The following CREBRF variants were observed in gnomAD, a reference collection of about 807,000 sequenced individuals.
CREBRF encodes UPF0474 protein C5orf41.
Under a neutral mutation model 66.1 loss-of-function variants are expected in CREBRF, and 5 were observed. The ratio of observed to expected loss-of-function variants is 0.08; its 90% CI spans 0.04 to 0.16. CREBRF has a LOEUF of 0.16. CREBRF is among the 10% of genes least tolerant of loss of function. The probability of loss-of-function intolerance (pLI) is 1.00; values close to 1 mark genes in which losing one functional copy is unlikely to be tolerated. For missense variants in CREBRF, 531 were observed against 744.9 expected, an observed-to-expected ratio of 0.71 and a Z score of 3.34; for synonymous variants, 229 against 264.4, an observed-to-expected ratio of 0.87 and a Z score of 1.30.
chr5:173,059,487 C>T (rs1266830631), intron 1 of CREBRF, among the ~76,000 whole-genome samples: 1 of 151,774 alleles, frequency 6.6e-6, no homozygotes, highest in African/African-American at 2.4e-5. Flanking sequence ...TGGTCTTGAA[C>T]TCCTGACCTA....
intron 6 of CREBRF, 25 bp from the exon 7 acceptor site, chr5:173,112,281 A>C (rs747963903): frequency 2.0e-6 from 3 of 1,511,070 alleles, no homozygotes; most frequent in Non-Finnish European, 2.7e-6. Flanking sequence ...AAAGAAAGTG[A>C]ACTAACTGCT....
At chr5:173,120,531 C>T (rs1449175153) in intron 7 of CREBRF, among the ~76,000 whole-genome samples, 1 of 151,394 alleles carries the variant, frequency 6.6e-6, no homozygotes, top group Non-Finnish European at 1.5e-5. Context: ...AGGCATACAC[C>T]ACCATGCCTG....
At position 173,090,200 on chromosome 5, in the gene CREBRF, G is replaced by A. The variant is rs530973126; in HGVS notation, c.136-115G>A. On this transcript the variant is annotated intron_variant, in intron 3 of 8. Transcript: ENST00000296953. The surrounding 1 kb of genome is among the most constrained non-coding windows in gnomAD (Gnocchi z 4.5). ...GAAATGATAAAGCGTCCTGTCAGTA[G>A]CCTTTATGTTAAAACAGACCAAAAG... is the stretch of plus-strand genomic sequence containing the variant. 28 of 702,748 alleles carry A rather than the reference G, an allele frequency of 4.0e-5. No homozygotes were observed. In the South Asian group the frequency reaches 7.4e-4, roughly 19 times the overall value. The allele number at this position is 702,748 out of a possible 1,614,324, so 43.5% of individuals were successfully genotyped here.
chr5:173,108,878 C>T lies in CREBRF; in HGVS notation c.1417+60C>T, dbSNP rs576376433. 8 of 1,494,070 alleles carry T rather than the reference C, an allele frequency of 5.4e-6. No homozygotes were observed. The Admixed American group carries it at 1.5e-4, about 27-fold the overall frequency. 92.6% of individuals were successfully genotyped at this position (1,494,070 alleles called of 1,614,324 possible). ...CTTTAATCAAGTTGAGCTACTAATC[C>T]ATAATGTTTACTCCGTGTACCTAGG... On this transcript the variant is annotated intron_variant, in intron 5 of 8. Transcript: ENST00000296953.
At position 173,090,812 on chromosome 5, in the gene CREBRF, A is replaced by ATTT; in HGVS notation, c.633_634insTTT (p.Thr211_Gln212insPhe). 1 of 1,614,170 alleles carries ATTT rather than the reference A, an allele frequency of 6.2e-7. No individual in the cohort carries two copies. The highest frequency in any genetic ancestry group is 1.1e-5 in the South Asian group (1 of 91,084). ...AAGCAAGTAAACCCACTTCAAGCAC[A>ATTT]CAAATCATGGTGAAGACCAACATGT... On this transcript the variant is annotated inframe_insertion, in exon 4 of 9. Coordinates refer to ENST00000296953, the MANE Select transcript of CREBRF (RefSeq NM_153607.3). The surrounding 1 kb of genome is among the most constrained non-coding windows in gnomAD (Gnocchi z 4.5).
rs939783632 is a variant in CREBRF, at chr5:173,138,380, G to A, written c.*4635G>A. On this transcript the variant is annotated 3_prime_UTR_variant, in exon 9 of 9. Coordinates refer to ENST00000296953, the MANE Select transcript of CREBRF (RefSeq NM_153607.3). ...CCATAGGCAAATGGGATTATGTGTT[G>A]AAGCATAGTCCTCATGCTTAATAAA... 3 of 152,170 alleles carry A rather than the reference G, an allele frequency of 2.0e-5. No homozygotes were observed. Among genetic ancestry groups the A allele is most frequent in the Non-Finnish European group, 2.9e-5 (2 of 68,028 alleles). 9.4% of individuals were successfully genotyped at this position (152,170 alleles called of 1,614,324 possible).
rs994442802 is a variant in CREBRF at position 173,063,108 on chromosome 5, C to T, written c.-192+6629C>T. ...CTGTGGGGTAGGCTAGGATTTGGAT[C>T]GAGTTTGACGCAGGGTGCGGCAGTA... On this transcript the variant is annotated intron_variant, in intron 1 of 8. Coordinates refer to ENST00000296953, the MANE Select transcript of CREBRF (RefSeq NM_153607.3). Among the ~76,000 whole-genome samples the T allele has an allele frequency of 8.5e-5, 13 of 152,082 alleles. No individual in the cohort carries two copies. The South Asian group carries it at 1.0e-3, about 12-fold the overall frequency.
At chr5:173,110,493 G>A (rs200559991) in intron 5 of CREBRF, 29 bp from the exon 6 acceptor site, 255 of 1,539,896 alleles carry the variant, frequency 1.7e-4, no homozygotes, top group Non-Finnish European at 1.7e-4. Flanking sequence ...AAAGTGATCT[G>A]ACTTAAACTT....
intron 1 of CREBRF, among the ~76,000 whole-genome samples, chr5:173,072,121 T>C (rs1040762722): frequency 7.9e-5 from 12 of 152,076 alleles, no homozygotes; most frequent in African/African-American, 1.7e-4. Flanking sequence ...TTCCTTTTTT[T>C]TTAAGAGACA....
At chr5:173,110,746 G>C in intron 6 of CREBRF, 35 bp downstream of exon 6, 1 of 1,539,788 alleles carries the variant, frequency 6.5e-7, no homozygotes, top group South Asian at 1.2e-5. Context: ...TGTGAAGAAA[G>C]TTTAGGAGGT....
intron 1 of CREBRF, among the ~76,000 whole-genome samples, chr5:173,077,137 G>C (rs1449557046): frequency 1.3e-5 from 2 of 151,848 alleles, no homozygotes; most frequent in African/African-American, 4.8e-5. Flanking sequence ...TAGAGACGGG[G>C]TTTCACCATA....
rs1020397588 is a variant in CREBRF at position 173,072,390 on chromosome 5, C to G, written c.-191-8195C>G. On this transcript the variant is annotated intron_variant, in intron 1 of 8. Transcript: ENST00000296953. ...TCCCGGGTTCATGCCATTCTCCTGC[C>G]TCAGCCTCCTGAGTAGCTGTGACTA... Among the ~76,000 whole-genome samples, 6 of 152,100 alleles carry G rather than the reference C, an allele frequency of 3.9e-5. No individual in the cohort carries two copies. The East Asian group carries it at 7.7e-4, about 20-fold the overall frequency.
chr5:173,110,776 GT>G, intron 6 of CREBRF, 65 bp downstream of exon 6: 1 of 1,155,634 alleles, frequency 8.7e-7, no homozygotes, highest in Non-Finnish European at 1.2e-6. Flanking sequence ...CCCTAAGTGA[GT>G]TTTTATAGAA....
In CREBRF at chr5:173,136,650, A is replaced by G. The variant is rs570445604; in HGVS notation, c.*2905A>G. 2.0e-5 allele frequency: 3 copies of G among 152,580 alleles called. No homozygotes were observed. The highest frequency in any genetic ancestry group is 3.9e-4 in the East Asian group (2 of 5,194). The allele number at this position is 152,580 out of a possible 1,614,324, so 9.5% of individuals were successfully genotyped here. A position where few individuals can be genotyped will look rare whatever the true frequency, so the allele number is the denominator to read the frequency against. ...AAATGGTTGTACTTTAATGCCAGTA[A>G]TAATCTGCTTCCTCTATTGTCATTA... On this transcript the variant is annotated 3_prime_UTR_variant, in exon 9 of 9. Coordinates refer to ENST00000296953, the MANE Select transcript of CREBRF (RefSeq NM_153607.3).
rs1432539334 is a variant in CREBRF at position 173,136,873 on chromosome 5, T to C, written c.*3128T>C. ...CATAATGAAGTCCAGAATCTTACTT[T>C]TAAGTGAAGGCATTGTGAATTCACC... On this transcript the variant is annotated 3_prime_UTR_variant, in exon 9 of 9. Coordinates refer to ENST00000296953, the MANE Select transcript of CREBRF (RefSeq NM_153607.3). The C allele has an allele frequency of 6.6e-6, 1 of 152,396 alleles. No homozygotes were observed. The highest frequency in any genetic ancestry group is 1.5e-5 in the Non-Finnish European group (1 of 67,902). The allele number at this position is 152,396 out of a possible 1,614,324, so 9.4% of individuals were successfully genotyped here.
intron 2 of CREBRF, among the ~76,000 whole-genome samples, chr5:173,081,544 G>C (rs1581670739): frequency 6.6e-6 from 1 of 152,138 alleles, no homozygotes; most frequent in Non-Finnish European, 1.5e-5. Flanking sequence ...TGAGCACAGG[G>C]AATCAACAAT....
At position 173,108,805 on chromosome 5, in the gene CREBRF, T is replaced by C. The variant is rs769495244; in HGVS notation, c.1404T>C (p.Asn468=). The C allele has an allele frequency of 6.2e-7, 1 of 1,611,462 alleles. No homozygotes were observed. Among genetic ancestry groups the C allele is most frequent in the Non-Finnish European group, 8.5e-7 (1 of 1,179,330 alleles). Residue 468 remains asparagine (N), a synonymous_variant, in exon 5 of 9, where the codon AAT becomes AAC. Transcript: ENST00000296953. The stretch of plus-strand genomic sequence containing the variant: ...TGCCAAGTAATATGTATCAGAAAAA[T>C]GGCTTACATCATGGTAAGAGGGGAT... The part of the protein sequence containing the change: ...DTLPSNMYQK[N]GLHHGKYAVK...
At chr5:173,056,532 G>T in intron 1 of CREBRF, 53 bp downstream of exon 1, 1 of 398,000 alleles carries the variant, frequency 2.5e-6, no homozygotes, top group South Asian at 1.3e-4. Context: ...GCTGGGGGAA[G>T]AGCGGAACGG....
intron 6 of CREBRF, 36 bp from the exon 7 acceptor site, chr5:173,112,270 A>T: frequency 6.9e-7 from 1 of 1,448,520 alleles, no homozygotes; most frequent in East Asian, 2.3e-5. Context: ...AAAATTAAGA[A>T]AAAGAAAGTG....
Sources: allele counts gnomAD v4.1 joint callset (sites outside exome capture counted in the v4.1 genomes callset), GRCh38; gene constraint gnomAD v4.1.1; non-coding constraint Gnocchi (gnomAD v3.1); transcripts MANE v1.5; gene names NCBI Gene and HGNC (gene_info 2026-07-23, HGNC 2026-07-21).